CACNA1S: variants seen among roughly 807,000 people sequenced by gnomAD.
CACNA1S encodes calcium voltage-gated channel subunit alpha1 S, also known as voltage-dependent L-type calcium channel subunit alpha-1S.
In CACNA1S, 126 loss-of-function variants were observed where a neutral mutation model predicts 207.4. The ratio of observed to expected loss-of-function variants is 0.61; its 90% CI spans 0.53 to 0.70. The LOEUF (loss-of-function observed/expected upper bound fraction) is 0.70, where lower values mean the gene tolerates loss of function less well. Among genes scored for constraint, CACNA1S ranks in the 30% least tolerant of loss-of-function variants. The probability of loss-of-function intolerance (pLI) is 0.00; values close to 1 mark genes in which losing one functional copy is unlikely to be tolerated. For synonymous variants in CACNA1S, 960 were observed against 932.7 expected, an observed-to-expected ratio of 1.03 and a Z score of -0.53; for missense variants, 2,349 against 2,422.8, an observed-to-expected ratio of 0.97 and a Z score of 0.64.
chr1:201,093,153 C>T (rs1265805367), intron 3 of CACNA1S, among the ~76,000 whole-genome samples: 3 of 152,186 alleles, frequency 2.0e-5, no homozygotes, highest in Non-Finnish European at 4.4e-5. Context: ...AATTCATATG[C>T]TGAAGCCCTA....
At position 201,061,386 on chromosome 1, in the gene CACNA1S, T is replaced by G; in HGVS notation, c.3136A>C (p.Ile1046Leu). 1 of 1,614,192 alleles carries G rather than the reference T, an allele frequency of 6.2e-7. No individual in the cohort carries two copies. The highest frequency in any genetic ancestry group is 8.5e-7 in the Non-Finnish European group (1 of 1,180,028). The change falls in exon 25 of 44, where the codon ATC becomes CTC. Residue 1046 changes from isoleucine (I) to leucine (L), a missense_variant. By Grantham distance (5) the Ile-to-Leu change is conservative. Transcript: ENST00000362061. ...NNRVEMAIFF[I>L]IYIILIAFFM... ...AAGGCAATGAGGATGATGTAGATGA[T>G]GAAGAAGATGGCCATCTCCACACGG...
intron 2 of CACNA1S, among the ~76,000 whole-genome samples, chr1:201,095,142 G>GTGTGTGTATACATATA (rs1256313159): frequency 1.3e-4 from 20 of 151,152 alleles, no homozygotes; most frequent in African/African-American, 4.9e-4. Flanking sequence ...GTGTGTGTGT[G>GTGTGTGTATACATATA]TATACATATA....
At position 201,053,632 on chromosome 1, in the gene CACNA1S, A is replaced by G. The variant is rs1380751748; in HGVS notation, c.3667-45T>C. The G allele has an allele frequency of 3.0e-6, 4 of 1,353,952 alleles. No individual in the cohort carries two copies. The Admixed American group carries it at 7.2e-5, about 24-fold the overall frequency. 83.9% of individuals were successfully genotyped at this position (1,353,952 alleles called of 1,614,324 possible). A position where few individuals can be genotyped will look rare whatever the true frequency, so the allele number is the denominator to read the frequency against. On this transcript the variant is annotated intron_variant, in intron 29 of 43. Coordinates refer to ENST00000362061, the MANE Select transcript of CACNA1S (RefSeq NM_000069.3). The surrounding 1 kb of genome is among the most constrained non-coding windows in gnomAD (Gnocchi z 5.1). Reference sequence around the variant, plus strand: ...GAGGTCAGTCTGGGGGCAGAACCTCAGAGGGGTAAGGGGCAGGGCGGGGAG... The same window carrying G: ...GAGGTCAGTCTGGGGGCAGAACCTCGGAGGGGTAAGGGGCAGGGCGGGGAG...
In CACNA1S at chr1:201,087,925, T is replaced by C. The variant is rs765889961; in HGVS notation, c.905A>G (p.Asn302Ser). 5 of 1,607,766 alleles carry C rather than the reference T, an allele frequency of 3.1e-6. No homozygotes were observed. The African/African-American group carries it at 4.0e-5, about 13-fold the overall frequency. The change falls in exon 7 of 44, where the codon AAT becomes AGT. Residue 302 changes from asparagine (N) to serine (S), a missense_variant. Coordinates refer to ENST00000362061, the MANE Select transcript of CACNA1S (RefSeq NM_000069.3). ...EGWTDVLYWVNDAIGNEWPWI... is the reference protein window; with the variant it reads ...EGWTDVLYWVSDAIGNEWPWI... The stretch of plus-strand genomic sequence containing the variant: ...GGGCCACTCATTCCCGATGGCATCA[T>C]TGACCTGGTCAGGACAGAAGTGTGA...
At chr1:201,043,006 G>A (rs573775379) in intron 40 of CACNA1S, 11 of 430,242 alleles carry the variant, frequency 2.6e-5, no homozygotes, top group East Asian at 1.0e-4. Context: ...TGTTCAATAC[G>A]TCTCAGCTCC....
In CACNA1S at chr1:201,053,300, C is replaced by T; in HGVS notation, c.3796-26G>A. On this transcript the variant is annotated intron_variant, in intron 30 of 43. Coordinates refer to ENST00000362061, the MANE Select transcript of CACNA1S (RefSeq NM_000069.3). This position sits in a 1 kb window ranked among gnomAD's most constrained non-coding sequence, Gnocchi z 5.1. ...CTGCAGGGCGGGCGGGAGCGCCAGTCAGTGTCTTAGGGCTCCACTGTGTGT... is the reference window on the plus strand; with the variant it reads ...CTGCAGGGCGGGCGGGAGCGCCAGTTAGTGTCTTAGGGCTCCACTGTGTGT... 1.2e-6 allele frequency: 2 copies of T among 1,612,552 alleles called. No individual in the cohort carries two copies. The highest frequency in any genetic ancestry group is 1.7e-6 in the Non-Finnish European group (2 of 1,179,416).
Position 201,047,582 on chromosome 1 carries a change from T to A in CACNA1S, c.4486A>T (p.Lys1496Ter), listed in dbSNP as rs1177558094. The change falls in exon 37 of 44, where the codon AAG becomes TAG. Residue 1496 changes from lysine to a stop codon, truncating the protein, a stop_gained. Coordinates refer to ENST00000362061, the MANE Select transcript of CACNA1S (RefSeq NM_000069.3). LOFTEE classifies it high-confidence loss of function. The part of the protein sequence containing the change: ...ANEELRAIIK[K>*]IWKRTSMKLL... ...TTCATGCTGGTTCTCTTCCAGATCT[T>A]CTTGATGATGGCCCTCAGCTCCTCG... The A allele has an allele frequency of 6.2e-7, 1 of 1,614,230 alleles. No homozygotes were observed. Among genetic ancestry groups the A allele is most frequent in the East Asian group, 2.2e-5 (1 of 44,890 alleles).
At chr1:201,098,303 G>A (rs1220300244) in intron 2 of CACNA1S, among the ~76,000 whole-genome samples, 2 of 152,232 alleles carry the variant, frequency 1.3e-5, no homozygotes, top group Non-Finnish European at 2.9e-5. Context: ...CTGAGATGAG[G>A]TCAGTGTAGG....
rs763966292 is a variant in CACNA1S at position 201,073,599 on chromosome 1, T to G, written c.2107A>C (p.Lys703Gln). 3 of 1,614,228 alleles carry G rather than the reference T, an allele frequency of 1.9e-6. No individual in the cohort carries two copies. The East Asian group carries it at 6.7e-5, about 36-fold the overall frequency. Reference sequence around the variant, plus strand: ...CCCTTGGGTTTCTGCTCCAGCTTCTTGGCCATCGTTGACTTCTCCTCTTCT... The same window carrying G: ...CCCTTGGGTTTCTGCTCCAGCTTCTGGGCCATCGTTGACTTCTCCTCTTCT... Reference protein sequence around the residue: ...KSEEEKSTMAKKLEQKPKGEG... With the variant: ...KSEEEKSTMAQKLEQKPKGEG... Residue 703 changes from lysine to glutamine, a missense_variant, in exon 15 of 44, where the codon AAG becomes CAG. Coordinates refer to ENST00000362061, the MANE Select transcript of CACNA1S (RefSeq NM_000069.3).
At chr1:201,056,070 G>GACAGACAGACAC (rs528783002) in intron 28 of CACNA1S, among the ~76,000 whole-genome samples, 2 of 94,918 alleles carry the variant, frequency 2.1e-5, no homozygotes, top group East Asian at 6.0e-4. Context: ...CAGACAGACA[G>GACAGACAGACAC]ACACACACAC....
At position 201,076,954 on chromosome 1, in the gene CACNA1S, T is replaced by A. The variant is rs749475822; in HGVS notation, c.1793A>T (p.Asp598Val). 3.7e-6 allele frequency: 6 copies of A among 1,614,134 alleles called. No homozygotes were observed. The highest frequency in any genetic ancestry group is 5.1e-6 in the Non-Finnish European group (6 of 1,180,028). The change falls in exon 12 of 44, where the codon GAC becomes GTC. Residue 598 changes from aspartate to valine, a missense_variant. Physicochemically the swap from Asp to Val is radical, Grantham distance 152. Transcript: ENST00000362061. Reference sequence around the variant, plus strand: ...GCTGATGAGGGCTTGGGGAAAGTTGTCAAAGTTGCTGCGCCGTACTTCTGT... The same window carrying A: ...GCTGATGAGGGCTTGGGGAAAGTTGACAAAGTTGCTGCGCCGTACTTCTGT... Reference protein sequence around the residue: ...EDTEVRRSNFDNFPQALISVF... With the variant: ...EDTEVRRSNFVNFPQALISVF...
At position 201,050,515 on chromosome 1, in the gene CACNA1S, A is replaced by T; in HGVS notation, c.4115T>A (p.Val1372Asp). Residue 1372 changes from valine (V) to aspartate (D), a missense_variant and splice_region_variant, in exon 34 of 44, where the codon GTC (valine) becomes GAC (aspartate). Val to Asp is a radical substitution (Grantham distance 152). Coordinates refer to ENST00000362061, the MANE Select transcript of CACNA1S (RefSeq NM_000069.3). ...GATGACAGCCACAAAGAGGTTGATG[A>T]CCTGCAAGAGAAGAACCAAGGGGTC... ...ISFYMLCAFL[V>D]INLFVAVIMD... The T allele has an allele frequency of 6.2e-7, 1 of 1,614,056 alleles. No homozygotes were observed. Among genetic ancestry groups the T allele is most frequent in the Non-Finnish European group, 8.5e-7 (1 of 1,179,958 alleles).
At chr1:201,081,519 A>G (rs890696513) in intron 10 of CACNA1S, among the ~76,000 whole-genome samples, 1 of 152,240 alleles carries the variant, frequency 6.6e-6, no homozygotes, top group Non-Finnish European at 1.5e-5. Flanking sequence ...CCTTCCACCA[A>G]GACTGATCTT....
At chr1:201,069,259 C>G (rs1572042276) in intron 18 of CACNA1S, 63 bp from the exon 19 acceptor site, 10 of 1,516,092 alleles carry the variant, frequency 6.6e-6, no homozygotes, top group Non-Finnish European at 9.2e-6. Context: ...GTATCAGCAG[C>G]AGCAGCAGCA....
intron 19 of CACNA1S, among the ~76,000 whole-genome samples, chr1:201,067,245 C>T (rs1460095368): frequency 6.6e-6 from 1 of 152,184 alleles, no homozygotes; most frequent in Admixed American, 6.5e-5. Context: ...CCATAGGGAA[C>T]CCTGGGTCTC....
Position 201,060,650 on chromosome 1 carries a change from G to A in CACNA1S, c.3414+8C>T, listed in dbSNP as rs1377035420. ...TGATCAGACATTTTTCTCCTGGGGA[G>A]CCCTTACCTGCATGCCGAGGCAGAT... On this transcript the variant is annotated splice_region_variant and intron_variant, in intron 26 of 43. Transcript: ENST00000362061. The A allele has an allele frequency of 1.9e-6, 3 of 1,614,152 alleles. No homozygotes were observed. Among genetic ancestry groups the A allele is most frequent in the Non-Finnish European group, 1.7e-6 (2 of 1,180,028 alleles).
At chr1:201,078,242 G>A (rs1453280681) in intron 10 of CACNA1S, 138 bp from the exon 11 acceptor site, 2 of 744,356 alleles carry the variant, frequency 2.7e-6, no homozygotes, top group Non-Finnish European at 4.8e-6. Flanking sequence ...TGGGGGTGCA[G>A]GGGGCAGGGC....
chr1:201,065,771 T>C (rs1047703404), intron 22 of CACNA1S, 67 bp downstream of exon 22: 1 of 1,033,330 alleles, frequency 9.7e-7, no homozygotes, highest in Non-Finnish European at 1.5e-6. Flanking sequence ...TGGGGCTCCT[T>C]GTGCTTGAGA....
rs1660591641 is a variant in CACNA1S, at chr1:201,049,750, G to T, written c.4241+639C>A. ...TGTGGGTGGCTGGTAGAGGCAAGTA[G>T]GTTTGGCTCCTGCTGATGGAGGCAC... On this transcript the variant is annotated intron_variant, in intron 34 of 43. Transcript: ENST00000362061. Among the ~76,000 whole-genome samples the T allele has an allele frequency of 2.0e-5, 3 of 152,194 alleles. 1 individual carries two copies. Among genetic ancestry groups the T allele is most frequent in the South Asian group, 4.2e-4 (2 of 4,818 alleles).
Sources: allele counts gnomAD v4.1 joint callset (sites outside exome capture counted in the v4.1 genomes callset), GRCh38; gene constraint gnomAD v4.1.1; non-coding constraint Gnocchi (gnomAD v3.1); transcripts MANE v1.5; gene names NCBI Gene and HGNC (gene_info 2026-07-23, HGNC 2026-07-21).